Variants in STAT3 observed in about 807,000 individuals in gnomAD.
STAT3 encodes the protein DNA-binding protein APRF.
STAT3 carries 7 observed loss-of-function variants against 114.3 expected under a neutral mutation model. The observed-to-expected ratio is 0.06, with a 90% CI of 0.03 to 0.11. STAT3 has a LOEUF of 0.11. Among genes scored for constraint, STAT3 ranks in the 10% least tolerant of loss-of-function variants. The pLI, the probability that STAT3 is intolerant of heterozygous loss-of-function variation, is 1.00. For missense variants in STAT3, 364 were observed against 960.9 expected, an observed-to-expected ratio of 0.38 and a Z score of 8.21; for synonymous variants, 331 against 354.5, an observed-to-expected ratio of 0.93 and a Z score of 0.74.
intron 1 of STAT3, among the ~76,000 whole-genome samples, chr17:42,378,568 G>A (rs891881344): frequency 3.9e-5 from 6 of 152,262 alleles, no homozygotes; most frequent in African/African-American, 1.2e-4. Context: ...TTTCATTTTG[G>A]TTAATGTTTC....
Position 42,337,675 on chromosome 17 carries a change from T to C in STAT3, c.645+88A>G. 1 of 1,613,792 alleles carries C rather than the reference T, an allele frequency of 6.2e-7. No individual in the cohort carries two copies. The highest frequency in any genetic ancestry group is 8.5e-7 in the Non-Finnish European group (1 of 1,179,754). ...AGTCAACTCCAGAGCAGGAACTTCT[T>C]AGAAACCAAGCAAGTTCTGCCACAA... On this transcript the variant is annotated intron_variant, in intron 7 of 23. Coordinates refer to ENST00000264657, the MANE Select transcript of STAT3 (RefSeq NM_139276.3). This position sits in a 1 kb window ranked among gnomAD's most constrained non-coding sequence, Gnocchi z 4.0.
At chr17:42,332,537 C>G (rs1287032788) in intron 10 of STAT3, among the ~76,000 whole-genome samples, 1 of 40,784 alleles carries the variant, frequency 2.5e-5, no homozygotes, top group African/African-American at 6.4e-5. Flanking sequence ...GACTCCATCT[C>G]AAAAAAAAAA....
intron 23 of STAT3, 129 bp downstream of exon 23, chr17:42,316,660 T>C: frequency 3.9e-6 from 6 of 1,544,692 alleles, no homozygotes; most frequent in Non-Finnish European, 5.2e-6. Context: ...TACCATCTCT[T>C]TTGGAAAGCA....
chr17:42,346,436 T>G (rs2082703777), intron 3 of STAT3, 133 bp downstream of exon 3: 1 of 1,345,608 alleles, frequency 7.4e-7, no homozygotes, highest in East Asian at 2.3e-5. Flanking sequence ...GGCTAATTAC[T>G]TCTCCTGTGA....
At chr17:42,378,624 T>C (rs1002188709) in intron 1 of STAT3, among the ~76,000 whole-genome samples, 1 of 152,214 alleles carries the variant, frequency 6.6e-6, no homozygotes, top group Non-Finnish European at 1.5e-5. Flanking sequence ...GAGGCCCAAA[T>C]GCAAAACTGA....
intron 1 of STAT3, among the ~76,000 whole-genome samples, chr17:42,368,521 G>A (rs2083926957): frequency 6.6e-6 from 1 of 152,148 alleles, no homozygotes; most frequent in African/African-American, 2.4e-5. Flanking sequence ...ATGCAGTGGT[G>A]CAATCTCAGC....
At chr17:42,376,565 G>A (rs2084477965) in intron 1 of STAT3, among the ~76,000 whole-genome samples, 1 of 146,186 alleles carries the variant, frequency 6.8e-6, no homozygotes, top group South Asian at 2.2e-4. Context: ...AAAAAAAACC[G>A]GCCAGGTGCG....
At chr17:42,358,825 A>G (rs2083356607) in intron 1 of STAT3, among the ~76,000 whole-genome samples, 1 of 152,054 alleles carries the variant, frequency 6.6e-6, no homozygotes, top group Non-Finnish European at 1.5e-5. Flanking sequence ...GTTAAAATCA[A>G]TAATGGTTGT....
intron 14 of STAT3, among the ~76,000 whole-genome samples, chr17:42,326,495 G>A (rs2081731533): frequency 6.6e-6 from 1 of 151,646 alleles, no homozygotes; most frequent in African/African-American, 2.4e-5. Context: ...GTGACAGAGT[G>A]AGACCCTGTC....
At chr17:42,374,255 T>C (rs12949918) in intron 1 of STAT3, 59,735 of 152,040 alleles carry the variant, frequency 0.39, 11,992 homozygotes, top group South Asian at 0.48. Context: ...GAAAGAAACA[T>C]TATCCAGTTT....
intron 14 of STAT3, among the ~76,000 whole-genome samples, chr17:42,327,284 G>GT (rs979203187): frequency 1.3e-5 from 2 of 149,106 alleles, no homozygotes; most frequent in East Asian, 2.0e-4. Context: ...GTTTTGTTTT[G>GT]TTTTTTTACA....
In STAT3 at chr17:42,333,938, C is replaced by G; in HGVS notation, c.909G>C (p.Pro303=). ...YKGDPIVQHR[P]MLEERIVELF... ...GCTCCACGATTCTCTCCTCCAGCAT[C>G]GGCCGGTGCTGTACAATGGGGTCCC... The change falls in exon 9 of 24, where the codon CCG becomes CCC. Residue 303 remains proline, a synonymous_variant. Transcript: ENST00000264657. The surrounding 1 kb of genome is among the most constrained non-coding windows in gnomAD (Gnocchi z 5.2). The G allele has an allele frequency of 6.2e-7, 1 of 1,614,222 alleles. No homozygotes were observed. Among genetic ancestry groups the G allele is most frequent in the Non-Finnish European group, 8.5e-7 (1 of 1,180,052 alleles).
intron 1 of STAT3, among the ~76,000 whole-genome samples, chr17:42,348,991 G>A (rs139679582): frequency 0.01 from 1,578 of 152,092 alleles, 21 homozygotes; most frequent in Non-Finnish European, 0.015. Context: ...TCAGCCTCCC[G>A]AGGAGCTGGG....
chr17:42,377,975 G>C (rs1360656493), intron 1 of STAT3, among the ~76,000 whole-genome samples: 2 of 139,992 alleles, frequency 1.4e-5, no homozygotes, highest in Non-Finnish European at 3.0e-5. Flanking sequence ...TATTTCTGCA[G>C]AAACAGGATT....
At chr17:42,363,618 T>C (rs2083628062) in intron 1 of STAT3, among the ~76,000 whole-genome samples, 1 of 150,022 alleles carries the variant, frequency 6.7e-6, no homozygotes, top group African/African-American at 2.4e-5. Context: ...TAATTTTCTT[T>C]TTTTTTTTTT....
chr17:42,373,127 G>A (rs942562289), intron 1 of STAT3, among the ~76,000 whole-genome samples: 13 of 152,056 alleles, frequency 8.5e-5, no homozygotes, highest in African/African-American at 1.9e-4. Context: ...CAAGGCAGGC[G>A]GATCACGAGG....
rs1221742763 is a variant in STAT3, at chr17:42,365,662, G to GT, written c.-23-17124dup. ...AAGTTTTTTTTTTTTGTTTTTTTTT[G>GT]TTTTTTTTTTTGAGACGGAGTCTTG... On this transcript the variant is annotated intron_variant, in intron 1 of 23. Transcript: ENST00000264657. Among the ~76,000 whole-genome samples the GT allele has an allele frequency of 2.7e-3, 347 of 127,316 alleles. 5 individuals are homozygous for GT. The highest frequency in any genetic ancestry group is 4.7e-3 in the African/African-American group (164 of 35,078). 83.5% of individuals were successfully genotyped at this position (127,316 alleles called of 152,430 possible). A position where few individuals can be genotyped will look rare whatever the true frequency, so the allele number is the denominator to read the frequency against.
chr17:42,317,580 C>T (rs8074524), intron 21 of STAT3: 86,854 of 373,194 alleles, frequency 0.23, 11,276 homozygotes, highest in African/African-American at 0.36. Context: ...CATTCTATTC[C>T]GGCCTGGTCA....
chr17:42,366,911 C>T (rs539042909), intron 1 of STAT3, among the ~76,000 whole-genome samples: 1 of 152,020 alleles, frequency 6.6e-6, no homozygotes, highest in African/African-American at 2.4e-5. Context: ...GAGGCCAAGG[C>T]GAGCAGATAA....
Sources: allele counts gnomAD v4.1 joint callset (sites outside exome capture counted in the v4.1 genomes callset), GRCh38; gene constraint gnomAD v4.1.1; non-coding constraint Gnocchi (gnomAD v3.1); transcripts MANE v1.5; gene names NCBI Gene and HGNC (gene_info 2026-07-23, HGNC 2026-07-21).